STAM2: variants seen among roughly 807,000 people sequenced by gnomAD.
STAM2 encodes signal transducing adapter molecule 2.
STAM2 carries 51 observed loss-of-function variants against 65.6 expected under a neutral mutation model. The observed-to-expected ratio is 0.78, with a 90% CI of 0.62 to 0.98. STAM2 has a LOEUF of 0.98. STAM2 is among the 50% of genes least tolerant of loss of function. The probability of loss-of-function intolerance (pLI) is 0.00; values close to 1 mark genes in which losing one functional copy is unlikely to be tolerated. For missense variants in STAM2, 584 were observed against 617.8 expected, an observed-to-expected ratio of 0.95 and a Z score of 0.58; for synonymous variants, 198 against 208.4, an observed-to-expected ratio of 0.95 and a Z score of 0.43.
Position 152,175,685 on chromosome 2 carries a change from C to T in STAM2, c.-43G>A, listed in dbSNP as rs1165709062. ...CCTAGTCGCTGCTGTCTAGCTGACA[C>T]TCAGCAACTGCTACCCGCCGGGTGA... On this transcript the variant is annotated 5_prime_UTR_variant, in exon 1 of 14. In the 5' UTR this introduces an upstream ATG that the reference lacks. Coordinates refer to ENST00000263904, the MANE Select transcript of STAM2 (RefSeq NM_005843.6). 1.9e-6 allele frequency: 3 copies of T among 1,591,092 alleles called. No homozygotes were observed. In the East Asian group the frequency reaches 6.9e-5, roughly 37 times the overall value.
At chr2:152,143,712 G>T in intron 7 of STAM2, 115 bp downstream of exon 7, 2 of 705,082 alleles carry the variant, frequency 2.8e-6, no homozygotes, top group Non-Finnish European at 4.3e-6. Context: ...AAAAAACAAG[G>T]TATGAAATGG....
chr2:152,140,756 C>A (rs1242887453), intron 7 of STAM2, among the ~76,000 whole-genome samples: 1 of 152,178 alleles, frequency 6.6e-6, no homozygotes. Flanking sequence ...ACCAAAGGTG[C>A]AATGCTACAG....
intron 1 of STAM2, among the ~76,000 whole-genome samples, chr2:152,157,841 C>G (rs1689580915): frequency 6.6e-6 from 1 of 152,162 alleles, no homozygotes; most frequent in African/African-American, 2.4e-5. Flanking sequence ...AAAACCAAGC[C>G]TGTCAAAACG....
At chr2:152,131,826 C>T in intron 11 of STAM2, 1 of 349,444 alleles carries the variant, frequency 2.9e-6, no homozygotes, top group Non-Finnish European at 5.2e-6. Flanking sequence ...CTGGCTATCA[C>T]TGATCCAGGC....
chr2:152,173,404 A>ATT (rs201681899), intron 1 of STAM2, among the ~76,000 whole-genome samples: 1 of 147,636 alleles, frequency 6.8e-6, no homozygotes, highest in African/African-American at 2.5e-5. Flanking sequence ...ATATATATAT[A>ATT]TATTTTTTTT....
At chr2:152,163,917 T>G (rs1689730500) in intron 1 of STAM2, among the ~76,000 whole-genome samples, 1 of 152,178 alleles carries the variant, frequency 6.6e-6, no homozygotes, top group African/African-American at 2.4e-5. Context: ...CTGTTTTCTG[T>G]TAAGATGTTT....
At chr2:152,144,834 GC>G in intron 6 of STAM2, 53 bp downstream of exon 6, 1 of 1,523,880 alleles carries the variant, frequency 6.6e-7, no homozygotes. Flanking sequence ...ACCGCGCCCA[GC>G]CCTGGCAAAG....
chr2:152,133,327 C>T, intron 9 of STAM2, 67 bp from the exon 10 acceptor site: 1 of 1,541,536 alleles, frequency 6.5e-7, no homozygotes, highest in Non-Finnish European at 8.9e-7. Flanking sequence ...TGAAATTACT[C>T]TTTCCAAGCA....
At chr2:152,147,427 G>A in intron 4 of STAM2, 119 bp from the exon 5 acceptor site, 1 of 986,828 alleles carries the variant, frequency 1.0e-6, no homozygotes, top group South Asian at 2.2e-5. Context: ...ATCAACAAAA[G>A]TCCTGAAATT....
chr2:152,174,348 G>T (rs1287001673), intron 1 of STAM2, among the ~76,000 whole-genome samples: 2 of 152,130 alleles, frequency 1.3e-5, no homozygotes, highest in Non-Finnish European at 1.5e-5. Flanking sequence ...AAAGAATACT[G>T]CAATGAGGCG....
intron 7 of STAM2, among the ~76,000 whole-genome samples, chr2:152,140,903 G>A (rs1165673099): frequency 3.3e-5 from 5 of 152,004 alleles, no homozygotes; most frequent in African/African-American, 4.8e-5. Context: ...GGGAGGCTGA[G>A]GCGGGTGGAT....
chr2:152,150,945 A>C (rs1689432585), intron 1 of STAM2, among the ~76,000 whole-genome samples: 1 of 152,040 alleles, frequency 6.6e-6, no homozygotes, highest in African/African-American at 2.4e-5. Context: ...GGCTCATGGA[A>C]TCCTCCTTGG....
intron 1 of STAM2, among the ~76,000 whole-genome samples, chr2:152,155,043 T>A (rs1191709707): frequency 6.6e-6 from 1 of 152,178 alleles, no homozygotes; most frequent in Non-Finnish European, 1.5e-5. Flanking sequence ...TTTCATAGCA[T>A]TTTTTTGTTT....
At chr2:152,125,312 CG>C (rs1359041088) in intron 12 of STAM2, among the ~76,000 whole-genome samples, 2 of 152,150 alleles carry the variant, frequency 1.3e-5, no homozygotes, top group African/African-American at 4.8e-5. Context: ...TCTTGTCTGA[CG>C]TGACAGTTAC....
rs901337783 is a variant in STAM2 at position 152,133,461 on chromosome 2, T to C, written c.823A>G (p.Ile275Val). The change falls in exon 9 of 14, where the codon ATT becomes GTT. Residue 275 changes from isoleucine (I) to valine (V), a missense_variant. Transcript: ENST00000263904. The stretch of plus-strand genomic sequence containing the variant: ...TTAATTTCCTCCACATCATCATCAA[T>C]TACATTCAATTTGTCCACAGCCGCT... ...EAAAVDKLNV[I>V]DDDVEEIKKS... 1 of 1,612,608 alleles carries C rather than the reference T, an allele frequency of 6.2e-7. No homozygotes were observed. Among genetic ancestry groups the C allele is most frequent in the Non-Finnish European group, 8.5e-7 (1 of 1,179,232 alleles).
At chr2:152,156,560 A>G (rs781052782) in intron 1 of STAM2, among the ~76,000 whole-genome samples, 2 of 152,202 alleles carry the variant, frequency 1.3e-5, no homozygotes, top group African/African-American at 2.4e-5. Context: ...GGTGTAAGTC[A>G]TAACATTTCA....
rs1688776035 is a variant in STAM2, at chr2:152,117,802, G to A, written c.*2772C>T. 6.6e-6 allele frequency: 1 copy of A among 152,026 alleles called. No individual in the cohort carries two copies. The highest frequency in any genetic ancestry group is 1.5e-5 in the Non-Finnish European group (1 of 67,980). 9.4% of individuals were successfully genotyped at this position (152,026 alleles called of 1,614,324 possible). The stretch of plus-strand genomic sequence containing the variant: ...AAAATTGATTTTTTAAATTTTGAAA[G>A]TGAAATTATAACCATCTTCAAAACA... On this transcript the variant is annotated 3_prime_UTR_variant, in exon 14 of 14. Coordinates refer to ENST00000263904, the MANE Select transcript of STAM2 (RefSeq NM_005843.6).
intron 1 of STAM2, among the ~76,000 whole-genome samples, chr2:152,162,942 G>A (rs914663942): frequency 9.2e-5 from 14 of 152,086 alleles, no homozygotes; most frequent in Non-Finnish European, 1.5e-4. Context: ...TTACAGGCAT[G>A]AGCCACTGTG....
At chr2:152,151,093 G>T (rs140470629) in intron 1 of STAM2, among the ~76,000 whole-genome samples, 2 of 150,756 alleles carry the variant, frequency 1.3e-5, no homozygotes, top group Admixed American at 1.3e-4. Context: ...AAAAATTTAT[G>T]AATCTCAAAA....
Sources: gnomAD v4.1 joint callset for allele counts (sites outside exome capture counted in the v4.1 genomes callset) on GRCh38, gnomAD v4.1.1 for gene constraint, MANE v1.5 for transcripts, NCBI Gene and HGNC (gene_info 2026-07-23, HGNC 2026-07-21) for gene names.